BCAS3: variants seen among roughly 807,000 people sequenced by gnomAD.
BCAS3 encodes BCAS4/BCAS3 fusion.
A neutral mutation model predicts 116.1 loss-of-function variants in BCAS3; 53 were observed. The ratio of observed to expected loss-of-function variants is 0.46; its 90% confidence interval spans 0.37 to 0.57. The LOEUF (loss-of-function observed/expected upper bound fraction) is 0.57, where lower values mean the gene tolerates loss of function less well. Among genes scored for constraint, BCAS3 ranks in the 20% least tolerant of loss-of-function variants. The pLI is 0.00. For missense variants in BCAS3, 917 were observed against 1,165.4 expected (o/e 0.79, Z 3.10); for synonymous variants, 391 against 408.2 (o/e 0.96, Z 0.51).
intron 13 of BCAS3, among the ~76,000 whole-genome samples, chr17:60,944,321 A>C (rs2060373710): frequency 6.6e-6 from 1 of 152,102 alleles, no homozygotes; most frequent in Non-Finnish European, 1.5e-5. Flanking sequence ...AATTCCTTGA[A>C]TTACAGAAAG....
At chr17:60,806,871 C>CT (rs1189529360) in intron 6 of BCAS3, among the ~76,000 whole-genome samples, 2 of 152,212 alleles carry the variant, frequency 1.3e-5, no homozygotes, top group African/African-American at 2.4e-5. Flanking sequence ...CCTGACTTTA[C>CT]TTTTTTTGCT....
At chr17:60,985,490 A>G (rs2063084781) in intron 14 of BCAS3, among the ~76,000 whole-genome samples, 1 of 152,090 alleles carries the variant, frequency 6.6e-6, no homozygotes, top group South Asian at 2.1e-4. Context: ...TGATTAAGTT[A>G]TTATTGACTA....
At chr17:60,794,043 TG>T (rs376487416) in intron 6 of BCAS3, among the ~76,000 whole-genome samples, 102 of 152,200 alleles carry the variant, frequency 6.7e-4, no homozygotes, top group African/African-American at 1.8e-3. Context: ...AAGTGTTCCC[TG>T]ATCGCCGCAT....
At chr17:60,951,769 T>C (rs1027743825) in intron 14 of BCAS3, among the ~76,000 whole-genome samples, 7 of 144,028 alleles carry the variant, frequency 4.9e-5, no homozygotes, top group African/African-American at 5.3e-5. Flanking sequence ...TCTTTCTTTT[T>C]TTTTTTTTTT....
chr17:60,988,772 C>T (rs927987409), intron 14 of BCAS3, among the ~76,000 whole-genome samples: 15 of 151,706 alleles, frequency 9.9e-5, no homozygotes, highest in African/African-American at 3.1e-4. Context: ...TTATTTGAGT[C>T]TTCTCTCTTT....
intron 6 of BCAS3, among the ~76,000 whole-genome samples, chr17:60,767,340 CTTTTTTTT>C (rs779804407): frequency 8.6e-6 from 1 of 116,424 alleles, no homozygotes. Flanking sequence ...CTCAGAAGTC[CTTTTTTTT>C]TTTTTTTTTT....
intron 6 of BCAS3, among the ~76,000 whole-genome samples, chr17:60,765,296 T>A (rs1043244400): frequency 3.9e-5 from 6 of 152,236 alleles, no homozygotes. Flanking sequence ...TGGCAGTCTT[T>A]ACAATTTGGC....
Position 61,239,591 on chromosome 17 carries a change from A to G in BCAS3, c.2426-128736A>G, listed in dbSNP as rs2083310441. Among the ~76,000 whole-genome samples the G allele has an allele frequency of 6.6e-6, 1 of 152,220 alleles. No individual in the cohort carries two copies. Among genetic ancestry groups the G allele is most frequent in the African/African-American group, 2.4e-5 (1 of 41,464 alleles). On this transcript the variant is annotated intron_variant, in intron 22 of 23. Transcript: ENST00000407086. This position sits in a 1 kb window ranked among gnomAD's most constrained non-coding sequence, Gnocchi z 4.2. The stretch of plus-strand genomic sequence containing the variant: ...AAGAGAACTTCATTTACTCTGAGTG[A>G]TCATGTTTCAATGTGTTAATGTTTT...
chr17:60,847,303 C>T (rs1041411868), intron 7 of BCAS3, among the ~76,000 whole-genome samples: 8 of 152,132 alleles, frequency 5.3e-5, no homozygotes, highest in African/African-American at 7.2e-5. Flanking sequence ...TTCATGTAGA[C>T]GTTTTTGTGT....
intron 5 of BCAS3, among the ~76,000 whole-genome samples, chr17:60,724,228 A>T (rs2039573771): frequency 6.6e-6 from 1 of 150,970 alleles, no homozygotes; most frequent in Non-Finnish European, 1.5e-5. Context: ...GTTCAAGACT[A>T]GCCTGGCCAA....
Position 61,279,982 on chromosome 17 carries a change from C to T in BCAS3, c.2426-88345C>T, listed in dbSNP as rs766128292. Among the ~76,000 whole-genome samples the T allele has an allele frequency of 6.6e-6, 1 of 152,136 alleles. No individual in the cohort carries two copies. Among genetic ancestry groups the T allele is most frequent in the Non-Finnish European group, 1.5e-5 (1 of 68,024 alleles). ...CTCTTTGTTTAGCTTGGCTCCAGAACCATAAGTACTTTCCTTTAGTCAAAT... is the reference window on the plus strand; with the variant it reads ...CTCTTTGTTTAGCTTGGCTCCAGAATCATAAGTACTTTCCTTTAGTCAAAT... On this transcript the variant is annotated intron_variant, in intron 22 of 23. Transcript: ENST00000407086. This position sits in a 1 kb window ranked among gnomAD's most constrained non-coding sequence, Gnocchi z 4.4.
intron 22 of BCAS3, among the ~76,000 whole-genome samples, chr17:61,287,368 G>T (rs763949155): frequency 6.6e-6 from 1 of 152,054 alleles, no homozygotes; most frequent in African/African-American, 2.4e-5. Flanking sequence ...GGGGAAAATT[G>T]TCTGCCATAC....
In BCAS3 at chr17:61,145,122, A is replaced by G. The variant is rs1461641136; in HGVS notation, c.2425+60558A>G. On this transcript the variant is annotated intron_variant, in intron 22 of 23. Coordinates refer to ENST00000407086, the MANE Select transcript of BCAS3 (RefSeq NM_017679.5). The surrounding 1 kb of genome is among the most constrained non-coding windows in gnomAD (Gnocchi z 5.0). ...AACTTTGGCTCGCCTCACCGGCAGT[A>G]ATTTAATTTTTCCTTCATTCTGACT... Among the ~76,000 whole-genome samples the G allele has an allele frequency of 6.6e-6, 1 of 152,208 alleles. No homozygotes were observed. Among genetic ancestry groups the G allele is most frequent in the Admixed American group, 6.5e-5 (1 of 15,288 alleles).
At chr17:61,197,983 A>G (rs1481697776) in intron 22 of BCAS3, among the ~76,000 whole-genome samples, 1 of 152,198 alleles carries the variant, frequency 6.6e-6, no homozygotes, top group Non-Finnish European at 1.5e-5. Context: ...AGTCTATCCC[A>G]TCTATCTATA....
chr17:60,922,388 G>A (rs1020929897), intron 12 of BCAS3, among the ~76,000 whole-genome samples: 2 of 152,132 alleles, frequency 1.3e-5, no homozygotes, highest in Non-Finnish European at 2.9e-5. Context: ...GCCTCCCAAA[G>A]TGCTGGGATT....
At chr17:60,965,795 T>A (rs1299619639) in intron 14 of BCAS3, among the ~76,000 whole-genome samples, 1 of 152,230 alleles carries the variant, frequency 6.6e-6, no homozygotes, top group Admixed American at 6.5e-5. Flanking sequence ...TCCCATGTGC[T>A]AGTAAAGAAA....
chr17:60,970,409 T>A (rs2061894905), intron 14 of BCAS3, among the ~76,000 whole-genome samples: 1 of 152,140 alleles, frequency 6.6e-6, no homozygotes, highest in African/African-American at 2.4e-5. Flanking sequence ...AAATTAAATA[T>A]TAATGTACTC....
At chr17:61,322,936 T>G (rs1362069846) in intron 22 of BCAS3, among the ~76,000 whole-genome samples, 1 of 145,894 alleles carries the variant, frequency 6.9e-6, no homozygotes, top group African/African-American at 2.6e-5. Context: ...AAGAATCTGT[T>G]TGAGCACCCT....
intron 6 of BCAS3, among the ~76,000 whole-genome samples, chr17:60,768,477 G>A (rs113321821): frequency 0.028 from 4,291 of 152,250 alleles, 88 homozygotes; most frequent in Non-Finnish European, 0.045. Flanking sequence ...TCCTGCTGTC[G>A]AACATCGGAC....
Sources: gnomAD v4.1 joint callset for allele counts (sites outside exome capture counted in the v4.1 genomes callset) on GRCh38, gnomAD v4.1.1 for gene constraint, Gnocchi (gnomAD v3.1) non-coding constraint, MANE v1.5 for transcripts, NCBI Gene and HGNC (gene_info 2026-07-23, HGNC 2026-07-21) for gene names.